TRPS1: variants seen among roughly 807,000 people sequenced by gnomAD.
TRPS1 encodes zinc finger transcription factor Trps1.
A neutral mutation model predicts 101.2 loss-of-function variants in TRPS1; 6 were observed. That is an observed-to-expected ratio of 0.06 (90% CI 0.03 to 0.12). The LOEUF (loss-of-function observed/expected upper bound fraction) is 0.12, where lower values mean the gene tolerates loss of function less well. Ranked by LOEUF, TRPS1 falls within the 10% of genes least tolerant of loss-of-function variation. TRPS1 has a pLI of 1.00. For synonymous variants in TRPS1, 578 were observed against 589.8 expected (o/e 0.98, Z 0.29); for missense variants, 1,363 against 1,567.0 (o/e 0.87, Z 2.20).
chr8:115,556,514 C>A (rs1475348700), intron 5 of TRPS1, among the ~76,000 whole-genome samples: 1 of 152,050 alleles, frequency 6.6e-6, no homozygotes, highest in East Asian at 1.9e-4. Context: ...TTATTCTGTG[C>A]TCTTTTGATA....
At chr8:115,533,436 G>GTTTTTTGTTTTTTTTTTTTTT (rs1816188062) in intron 5 of TRPS1, among the ~76,000 whole-genome samples, 1 of 34,986 alleles carries the variant, frequency 2.9e-5, no homozygotes, top group African/African-American at 1.0e-4. Context: ...CATGTAATCT[G>GTTTTTTGTTTTTTTTTTTTTT]TTTTTTTTTT....
At chr8:115,441,858 A>G (rs1490104811) in intron 5 of TRPS1, among the ~76,000 whole-genome samples, 1 of 148,862 alleles carries the variant, frequency 6.7e-6, no homozygotes, top group African/African-American at 2.5e-5. Flanking sequence ...AGGTCTCCCA[A>G]TTGAGAGTGA....
At chr8:115,571,453 A>G (rs1483969695) in intron 5 of TRPS1, among the ~76,000 whole-genome samples, 1 of 152,194 alleles carries the variant, frequency 6.6e-6, no homozygotes, top group African/African-American at 2.4e-5. Context: ...CAAATTGTTT[A>G]CAAGAACTGA....
intron 1 of TRPS1, among the ~76,000 whole-genome samples, chr8:115,633,219 T>C (rs1460404171): frequency 6.6e-6 from 1 of 151,804 alleles, no homozygotes; most frequent in East Asian, 1.9e-4. Flanking sequence ...AAAGAAAGCG[T>C]TCTGAACAAA....
At chr8:115,470,634 G>A (rs1332165668) in intron 5 of TRPS1, among the ~76,000 whole-genome samples, 2 of 152,082 alleles carry the variant, frequency 1.3e-5, no homozygotes, top group African/African-American at 2.4e-5. Flanking sequence ...CTTAGCCGCA[G>A]AAATGGAAGA....
chr8:115,598,134 GTTCT>G (rs1817829145), intron 4 of TRPS1, among the ~76,000 whole-genome samples: 1 of 152,098 alleles, frequency 6.6e-6, no homozygotes, highest in Non-Finnish European at 1.5e-5. Context: ...TTTTATGGGT[GTTCT>G]TTATTTCATC....
At chr8:115,420,960 G>A (rs1207081037) in intron 5 of TRPS1, among the ~76,000 whole-genome samples, 3 of 151,232 alleles carry the variant, frequency 2.0e-5, no homozygotes, top group Non-Finnish European at 4.4e-5. Flanking sequence ...AAAGTTCTCT[G>A]ATCTTTACAG....
At chr8:115,606,027 A>G (rs529509527) in intron 3 of TRPS1, among the ~76,000 whole-genome samples, 87 of 152,320 alleles carry the variant, frequency 5.7e-4, no homozygotes, top group African/African-American at 2.1e-3. Flanking sequence ...ACCACCAGGG[A>G]ATTTTTAAAT....
At chr8:115,440,110 A>G (rs1007177247) in intron 5 of TRPS1, among the ~76,000 whole-genome samples, 3 of 152,204 alleles carry the variant, frequency 2.0e-5, no homozygotes, top group Admixed American at 6.5e-5. Context: ...CTAGCTTGGG[A>G]ATTGGTCACA....
intron 1 of TRPS1, among the ~76,000 whole-genome samples, chr8:115,653,170 CA>C (rs1811601722): frequency 6.6e-6 from 1 of 152,026 alleles, no homozygotes; most frequent in African/African-American, 2.4e-5. Flanking sequence ...ATTTTACATA[CA>C]GGGGGAGAAT....
intron 5 of TRPS1, among the ~76,000 whole-genome samples, chr8:115,506,763 GGAGT>G (rs1240115716): frequency 6.6e-6 from 1 of 151,982 alleles, no homozygotes; most frequent in Non-Finnish European, 1.5e-5. Context: ...CTGGAATTAA[GGAGT>G]GAGACACATT....
intron 5 of TRPS1, among the ~76,000 whole-genome samples, chr8:115,524,410 T>A (rs1197950600): frequency 2.3e-5 from 3 of 130,802 alleles, no homozygotes; most frequent in Non-Finnish European, 4.7e-5. Context: ...AACCTCCACA[T>A]CCCAGGTTCA....
rs571916605 is a variant in TRPS1, at chr8:115,577,204, T to A, written c.2700+9797A>T. Among the ~76,000 whole-genome samples the A allele has an allele frequency of 2.6e-5, 4 of 152,262 alleles. No individual in the cohort carries two copies. The South Asian group carries it at 6.2e-4, about 24-fold the overall frequency. On this transcript the variant is annotated intron_variant, in intron 5 of 6. Coordinates refer to ENST00000395715, the MANE Select transcript of TRPS1 (RefSeq NM_014112.5). Reference sequence around the variant, plus strand: ...AAAAGTCCCACTCTGAGTCTTTTTTTAAAAAAATAGCAAATAATTATTTTT... The same window carrying A: ...AAAAGTCCCACTCTGAGTCTTTTTTAAAAAAAATAGCAAATAATTATTTTT...
intron 5 of TRPS1, among the ~76,000 whole-genome samples, chr8:115,512,416 C>T (rs1163189302): frequency 6.6e-6 from 1 of 151,324 alleles, no homozygotes; most frequent in African/African-American, 2.4e-5. Flanking sequence ...TAAAATGGAC[C>T]CTATCATAAA....
intron 5 of TRPS1, chr8:115,509,746 T>C (rs1268318467): frequency 6.6e-6 from 1 of 151,966 alleles, no homozygotes; most frequent in Non-Finnish European, 1.5e-5. Flanking sequence ...TCTTCGTTCT[T>C]TGGATTCTCT....
At chr8:115,609,650 A>G (rs994333794) in intron 3 of TRPS1, among the ~76,000 whole-genome samples, 1 of 152,204 alleles carries the variant, frequency 6.6e-6, no homozygotes, top group African/African-American at 2.4e-5. Flanking sequence ...CAAGCAAATG[A>G]CTGACTATGG....
At position 115,418,179 on chromosome 8, in the gene TRPS1, A is replaced by G; in HGVS notation, c.2823+151T>C. Reference sequence around the variant, plus strand: ...TCCCCATCACATCTAAGCCCCCTTCACCATAAATCACATGTGCACTCAAAG... The same window carrying G: ...TCCCCATCACATCTAAGCCCCCTTCGCCATAAATCACATGTGCACTCAAAG... On this transcript the variant is annotated intron_variant, in intron 6 of 6. Coordinates refer to ENST00000395715, the MANE Select transcript of TRPS1 (RefSeq NM_014112.5). The surrounding 1 kb of genome is among the most constrained non-coding windows in gnomAD (Gnocchi z 4.3). The G allele has an allele frequency of 7.8e-7, 1 of 1,274,282 alleles. No homozygotes were observed. The highest frequency in any genetic ancestry group is 1.1e-6 in the Non-Finnish European group (1 of 885,854). The allele number at this position is 1,274,282 out of a possible 1,614,324, so 78.9% of individuals were successfully genotyped here.
At chr8:115,660,720 C>T (rs1422794433) in intron 1 of TRPS1, among the ~76,000 whole-genome samples, 1 of 151,706 alleles carries the variant, frequency 6.6e-6, no homozygotes, top group Non-Finnish European at 1.5e-5. Context: ...TTTGTTTATT[C>T]ATGTTAAATA....
In TRPS1 at chr8:115,478,111, T is replaced by C. The variant is rs1173158961; in HGVS notation, c.2701-59659A>G. On this transcript the variant is annotated intron_variant, in intron 5 of 6. Transcript: ENST00000395715. The stretch of plus-strand genomic sequence containing the variant: ...TTTCTGGCAAACAAAGTATGCTGAT[T>C]TAAAATTCTGATCTATATTGCCAAA... Among the ~76,000 whole-genome samples, 3 of 152,190 alleles carry C rather than the reference T, an allele frequency of 2.0e-5. No homozygotes were observed. The East Asian group carries it at 5.8e-4, about 29-fold the overall frequency.
Sources: gnomAD v4.1 joint callset for allele counts (sites outside exome capture counted in the v4.1 genomes callset) on GRCh38, gnomAD v4.1.1 for gene constraint, Gnocchi (gnomAD v3.1) non-coding constraint, MANE v1.5 for transcripts, NCBI Gene and HGNC (gene_info 2026-07-23, HGNC 2026-07-21) for gene names.